Variants in SPIDR observed in about 807,000 individuals in gnomAD.
SPIDR encodes DNA repair-scaffolding protein.
Under a neutral mutation model 104.6 loss-of-function variants are expected in SPIDR, and 93 were observed. The observed-to-expected ratio is 0.89, with a 90% CI of 0.75 to 1.06. SPIDR has a LOEUF of 1.06. SPIDR is among the 50% of genes least tolerant of loss of function. The pLI is 0.00. For synonymous variants in SPIDR, 431 were observed against 416.9 expected (o/e 1.03, Z -0.41); for missense variants, 1,154 against 1,111.2 (o/e 1.04, Z -0.55).
At chr8:47,676,650 T>C (rs1488106195) in intron 11 of SPIDR, among the ~76,000 whole-genome samples, 2 of 152,236 alleles carry the variant, frequency 1.3e-5, no homozygotes, top group Non-Finnish European at 2.9e-5. Flanking sequence ...AATTTCAGTA[T>C]CTAATACCGA....
chr8:47,710,880 A>G (rs1264008387), intron 14 of SPIDR, among the ~76,000 whole-genome samples: 2 of 151,974 alleles, frequency 1.3e-5, no homozygotes, highest in African/African-American at 2.4e-5. Context: ...CTTGGGCCCA[A>G]GCAATTCTCC....
At chr8:47,467,405 A>C (rs1586205508) in intron 8 of SPIDR, among the ~76,000 whole-genome samples, 2 of 152,278 alleles carry the variant, frequency 1.3e-5, no homozygotes, top group Admixed American at 1.3e-4. Context: ...GCACAGACAC[A>C]ACAAAAAAGA....
chr8:47,565,971 C>CATATATATCTCATATATATATAT (rs2057739934), intron 8 of SPIDR, among the ~76,000 whole-genome samples: 1 of 41,474 alleles, frequency 2.4e-5, no homozygotes, highest in Admixed American at 5.3e-4. Flanking sequence ...TATTTATACT[C>CATATATATCTCATATATATATAT]ATATATATAT....
intron 8 of SPIDR, among the ~76,000 whole-genome samples, chr8:47,467,491 C>A (rs1435477719): frequency 1.3e-5 from 2 of 152,094 alleles, no homozygotes; most frequent in Non-Finnish European, 2.9e-5. Flanking sequence ...GAGTCCGCAA[C>A]ACATCAAAAA....
At chr8:47,461,531 C>T (rs1323239020) in intron 8 of SPIDR, among the ~76,000 whole-genome samples, 1 of 152,142 alleles carries the variant, frequency 6.6e-6, no homozygotes, top group East Asian at 1.9e-4. Context: ...AAGATGGTCT[C>T]GATCTCTTGA....
At chr8:47,331,983 TTTTCTCTTTTTTTTTTTTTTTTTTTTTTA>T (rs2048786360) in intron 5 of SPIDR, among the ~76,000 whole-genome samples, 2 of 64,718 alleles carry the variant, frequency 3.1e-5, no homozygotes, top group Admixed American at 1.3e-4. Context: ...TTTTTTTTTT[TTTTCTCTTTTTTTTTTTTTTTTTTTTTTA>T]TTATACTCTA....
At chr8:47,289,887 C>A (rs1215404513) in intron 3 of SPIDR, among the ~76,000 whole-genome samples, 1 of 152,110 alleles carries the variant, frequency 6.6e-6, no homozygotes, top group Non-Finnish European at 1.5e-5. Context: ...AATGATTAAA[C>A]AAACTATGGT....
intron 19 of SPIDR, among the ~76,000 whole-genome samples, chr8:47,734,465 C>G (rs2085836969): frequency 6.6e-6 from 1 of 152,132 alleles, no homozygotes; most frequent in South Asian, 2.1e-4. Flanking sequence ...GGCCATGACA[C>G]CATAACGATG....
intron 7 of SPIDR, among the ~76,000 whole-genome samples, chr8:47,438,730 C>T (rs2068827543): frequency 6.7e-6 from 1 of 149,350 alleles, no homozygotes; most frequent in Non-Finnish European, 1.5e-5. Context: ...AGACAGTGCC[C>T]AGAAATAGTT....
At chr8:47,523,143 G>A (rs1343940324) in intron 8 of SPIDR, among the ~76,000 whole-genome samples, 3 of 152,042 alleles carry the variant, frequency 2.0e-5, no homozygotes, top group African/African-American at 4.8e-5. Context: ...CAGGCATAGC[G>A]AGCCACCATG....
chr8:47,293,898 C>T lies in SPIDR; in HGVS notation c.393C>T (p.Asp131=), dbSNP rs2040381851. 2 of 1,612,362 alleles carry T rather than the reference C, an allele frequency of 1.2e-6. No homozygotes were observed. The highest frequency in any genetic ancestry group is 1.7e-6 in the Non-Finnish European group (2 of 1,179,386). The change falls in exon 5 of 20, where the codon GAC becomes GAT. Residue 131 remains aspartate (D), a synonymous_variant. Coordinates refer to ENST00000297423, the MANE Select transcript of SPIDR (RefSeq NM_001080394.4). ...TACAGTTTATCGACTGGGAGATTGA[C>T]AGTGACAGGGCAGAGGCTAGTGACT... ...DELQFIDWEI[D]SDRAEASDCD...
rs576307399 is a variant in SPIDR, at chr8:47,675,139, C to A, written c.1685+1198C>A. Among the ~76,000 whole-genome samples, 4 of 152,274 alleles carry A rather than the reference C, an allele frequency of 2.6e-5. No individual in the cohort carries two copies. In the East Asian group the frequency reaches 7.7e-4, roughly 29 times the overall value. ...GCAACCTCTGCCTCCCAGATTCAAG[C>A]GATTCTCCTGCCTCAGCCTCCCAAG... On this transcript the variant is annotated intron_variant, in intron 11 of 19. Coordinates refer to ENST00000297423, the MANE Select transcript of SPIDR (RefSeq NM_001080394.4).
At chr8:47,432,438 T>C (rs902200099) in intron 7 of SPIDR, among the ~76,000 whole-genome samples, 5 of 152,214 alleles carry the variant, frequency 3.3e-5, no homozygotes, top group Non-Finnish European at 7.3e-5. Flanking sequence ...AAATCAAGAC[T>C]GGAAACAGAG....
intron 7 of SPIDR, among the ~76,000 whole-genome samples, chr8:47,413,388 A>T (rs1379134600): frequency 1.3e-5 from 2 of 152,222 alleles, no homozygotes; most frequent in Admixed American, 6.5e-5. Context: ...GACAGGGCCA[A>T]AGCCAGGCCT....
At position 47,375,233 on chromosome 8, in the gene SPIDR, CTTTTTTTTTTTTTTT is replaced by C. The variant is rs869038432; in HGVS notation, c.526-21131_526-21117del. Among the ~76,000 whole-genome samples the C allele has an allele frequency of 3.7e-3, 196 of 53,396 alleles. 1 individual carries two copies. In the South Asian group the frequency reaches 0.12, roughly 32 times the overall value. The allele number at this position is 53,396 out of a possible 152,430, so 35.0% of individuals were successfully genotyped here. On this transcript the variant is annotated intron_variant, in intron 5 of 19. Coordinates refer to ENST00000297423, the MANE Select transcript of SPIDR (RefSeq NM_001080394.4). Reference sequence around the variant, plus strand: ...ATAGATTGAGTTAAGAGTTAATAGGCTTTTTTTTTTTTTTTTTTTTTTTTTTGAGCCAGAGTCGCA... The same window carrying C: ...ATAGATTGAGTTAAGAGTTAATAGGCTTTTTTTTTTTGAGCCAGAGTCGCA...
At chr8:47,362,273 C>T (rs996287482) in intron 5 of SPIDR, among the ~76,000 whole-genome samples, 2 of 152,178 alleles carry the variant, frequency 1.3e-5, no homozygotes, top group African/African-American at 4.8e-5. Context: ...TCCATTGTAT[C>T]GCTTTTAAAG....
intron 8 of SPIDR, among the ~76,000 whole-genome samples, chr8:47,540,426 A>T (rs2087865126): frequency 6.6e-6 from 1 of 152,202 alleles, no homozygotes; most frequent in African/African-American, 2.4e-5. Flanking sequence ...TATTTTTTGA[A>T]AACTTATTTT....
rs186261389 is a variant in SPIDR, at chr8:47,392,084, T to G, written c.526-4292T>G. Among the ~76,000 whole-genome samples, 545 of 151,996 alleles carry G rather than the reference T, an allele frequency of 3.6e-3. 5 individuals are homozygous for G. The highest frequency in any genetic ancestry group is 0.012 in the African/African-American group (506 of 41,474). ...AAGTACAAATTTTAAAATATTAAAT[T>G]TAAAACCAAACGACATGTAAACTAT... On this transcript the variant is annotated intron_variant, in intron 5 of 19. Transcript: ENST00000297423.
chr8:47,525,782 A>C (rs567723617), intron 8 of SPIDR, among the ~76,000 whole-genome samples: 1 of 152,150 alleles, frequency 6.6e-6, no homozygotes, highest in East Asian at 1.9e-4. Context: ...TCAAAAAAAA[A>C]AAAAAAAAAA....
Sources: allele counts gnomAD v4.1 joint callset (sites outside exome capture counted in the v4.1 genomes callset), GRCh38; gene constraint gnomAD v4.1.1; transcripts MANE v1.5; gene names NCBI Gene and HGNC (gene_info 2026-07-23, HGNC 2026-07-21).